Variants in POLR3B observed in about 807,000 individuals in gnomAD.
POLR3B encodes the protein DNA-directed RNA polymerase III subunit RPC2.
Under a neutral mutation model 147.4 loss-of-function variants are expected in POLR3B, and 96 were observed. The ratio of observed to expected loss-of-function variants is 0.65; its 90% CI spans 0.55 to 0.77. POLR3B has a LOEUF of 0.77. Among genes scored for constraint, POLR3B ranks in the 30% least tolerant of loss-of-function variants. The probability of loss-of-function intolerance (pLI) is 0.00; values close to 1 mark genes in which losing one functional copy is unlikely to be tolerated. For synonymous variants in POLR3B, 461 were observed against 485.9 expected, an observed-to-expected ratio of 0.95 and a Z score of 0.67; for missense variants, 1,036 against 1,413.5, an observed-to-expected ratio of 0.73 and a Z score of 4.28.
chr12:106,432,233 C>T (rs2037520264), intron 14 of POLR3B, 85 bp from the exon 15 acceptor site: 1 of 1,283,552 alleles, frequency 7.8e-7, no homozygotes, highest in South Asian at 1.2e-5. Flanking sequence ...TTGCTGCCAG[C>T]AAAGTAGTGA....
intron 1 of POLR3B, among the ~76,000 whole-genome samples, chr12:106,362,148 G>A (rs201974773): frequency 4.6e-5 from 7 of 152,122 alleles, no homozygotes; most frequent in East Asian, 1.9e-4. Flanking sequence ...TTGAATACTC[G>A]TTTTAAATAG....
chr12:106,467,692 C>T (rs1331903222), intron 23 of POLR3B, among the ~76,000 whole-genome samples: 3 of 152,194 alleles, frequency 2.0e-5, no homozygotes, highest in Non-Finnish European at 4.4e-5. Flanking sequence ...AAGGCCTTTT[C>T]TGCATCTATT....
chr12:106,475,768 A>G (rs370057015), intron 23 of POLR3B, among the ~76,000 whole-genome samples: 2 of 148,374 alleles, frequency 1.3e-5, no homozygotes, highest in South Asian at 2.2e-4. Context: ...GTCTCTGCAC[A>G]TGAGATGGGT....
chr12:106,459,154 G>T, intron 21 of POLR3B, 97 bp from the exon 22 acceptor site: 1 of 773,380 alleles, frequency 1.3e-6, no homozygotes, highest in South Asian at 1.4e-5. Context: ...CTCCTGAGTT[G>T]TTGGGACTGC....
intron 25 of POLR3B, among the ~76,000 whole-genome samples, chr12:106,499,922 C>T (rs939824974): frequency 2.0e-5 from 3 of 152,174 alleles, no homozygotes; most frequent in African/African-American, 7.2e-5. Context: ...CAAGCTTTTC[C>T]TTTGCCTCTC....
intron 18 of POLR3B, among the ~76,000 whole-genome samples, chr12:106,442,165 T>A (rs2137014441): frequency 6.6e-6 from 1 of 152,148 alleles, no homozygotes; most frequent in East Asian, 1.9e-4. Flanking sequence ...AGAATAATTT[T>A]TTTTTTTTGT....
chr12:106,365,412 G>T (rs2036521019), intron 2 of POLR3B, among the ~76,000 whole-genome samples: 1 of 152,158 alleles, frequency 6.6e-6, no homozygotes, highest in Non-Finnish European at 1.5e-5. Flanking sequence ...AAGAGACCAG[G>T]TCTTGCTACA....
At chr12:106,379,146 A>G (rs1208182587) in intron 8 of POLR3B, among the ~76,000 whole-genome samples, 1 of 152,252 alleles carries the variant, frequency 6.6e-6, no homozygotes, top group East Asian at 1.9e-4. Context: ...GTCCTCCAAG[A>G]TAAGTGGTAC....
chr12:106,396,743 A>G (rs2036984564), intron 10 of POLR3B, among the ~76,000 whole-genome samples: 1 of 152,136 alleles, frequency 6.6e-6, no homozygotes, highest in African/African-American at 2.4e-5. Flanking sequence ...TTCCAAGTTA[A>G]AGAATCAAAG....
chr12:106,392,779 A>G (rs1281606253), intron 9 of POLR3B, among the ~76,000 whole-genome samples: 1 of 152,202 alleles, frequency 6.6e-6, no homozygotes, highest in Non-Finnish European at 1.5e-5. Context: ...TAGAATATTT[A>G]AAAATTTTAG....
rs80100929 is a variant in POLR3B at position 106,372,648 on chromosome 12, A to G, written c.404+2965A>G. Reference sequence around the variant, plus strand: ...GAACTACCATGCGTGGCCAATATCCATAACTTTAAATGCGATGCTTTGACC... The same window carrying G: ...GAACTACCATGCGTGGCCAATATCCGTAACTTTAAATGCGATGCTTTGACC... On this transcript the variant is annotated intron_variant, in intron 6 of 27. Coordinates refer to ENST00000228347, the MANE Select transcript of POLR3B (RefSeq NM_018082.6). Among the ~76,000 whole-genome samples the G allele has an allele frequency of 6.8e-3, 1,042 of 152,184 alleles. 17 individuals are homozygous for G. Among genetic ancestry groups the G allele is most frequent in the African/African-American group, 0.024 (1,003 of 41,528 alleles).
Position 106,378,387 on chromosome 12 carries a change from A to G in POLR3B, c.614+3A>G. 1 of 1,573,508 alleles carries G rather than the reference A, an allele frequency of 6.4e-7. No individual in the cohort carries two copies. The highest frequency in any genetic ancestry group is 8.7e-7 in the Non-Finnish European group (1 of 1,142,878). Reference sequence around the variant, plus strand: ...GCTGTTGGAGCTTCAGTTACCAGGTATGGAAAGCAGAGATGGTGTCCTTAA... The same window carrying G: ...GCTGTTGGAGCTTCAGTTACCAGGTGTGGAAAGCAGAGATGGTGTCCTTAA... On this transcript the variant is annotated splice_donor_region_variant and intron_variant, in intron 8 of 27. Transcript: ENST00000228347.
At chr12:106,426,411 C>G (rs566260300) in intron 12 of POLR3B, among the ~76,000 whole-genome samples, 1 of 152,028 alleles carries the variant, frequency 6.6e-6, no homozygotes, top group East Asian at 1.9e-4. Context: ...CCACCAGACC[C>G]GGCTAATTTT....
intron 25 of POLR3B, among the ~76,000 whole-genome samples, chr12:106,497,606 T>G (rs1190614459): frequency 6.6e-6 from 1 of 152,198 alleles, no homozygotes; most frequent in Non-Finnish European, 1.5e-5. Context: ...GTGATGAGTA[T>G]CAGAATAATA....
intron 15 of POLR3B, among the ~76,000 whole-genome samples, chr12:106,433,251 T>C (rs1268949586): frequency 6.6e-6 from 1 of 152,238 alleles, no homozygotes; most frequent in African/African-American, 2.4e-5. Context: ...AGTGCCTCTT[T>C]GAATCCTCCC....
chr12:106,434,766 C>T (rs574391369), intron 16 of POLR3B, among the ~76,000 whole-genome samples: 64 of 152,268 alleles, frequency 4.2e-4, no homozygotes, highest in African/African-American at 1.2e-3. Context: ...AGAGTGACTG[C>T]ATGCTTTCTT....
rs1024571199 is a variant in POLR3B at position 106,433,939 on chromosome 12, A to G, written c.1781+67A>G. 95 of 1,328,508 alleles carry G rather than the reference A, an allele frequency of 7.2e-5. No homozygotes were observed. In the African/African-American group the frequency reaches 1.1e-3, roughly 16 times the overall value. The allele number at this position is 1,328,508 out of a possible 1,614,324, so 82.3% of individuals were successfully genotyped here. A position where few individuals can be genotyped will look rare whatever the true frequency, so the allele number is the denominator to read the frequency against. On this transcript the variant is annotated intron_variant, in intron 16 of 27. Coordinates refer to ENST00000228347, the MANE Select transcript of POLR3B (RefSeq NM_018082.6). ...TTATATTTGCTCTTGAAAGAAATAG[A>G]CTTGTTTTTATTTTTGAAACTGTTT...
At chr12:106,483,293 C>A (rs763534387) in intron 23 of POLR3B, among the ~76,000 whole-genome samples, 1 of 152,178 alleles carries the variant, frequency 6.6e-6, no homozygotes, top group African/African-American at 2.4e-5. Flanking sequence ...ACATGCCCAC[C>A]CACGTCCATC....
chr12:106,382,199 C>T (rs1222931356), intron 9 of POLR3B, among the ~76,000 whole-genome samples: 1 of 152,192 alleles, frequency 6.6e-6, no homozygotes, highest in Non-Finnish European at 1.5e-5. Flanking sequence ...CCCAGCCCCT[C>T]TTCAAGAGGG....
Sources: allele counts gnomAD v4.1 joint callset (sites outside exome capture counted in the v4.1 genomes callset), GRCh38; gene constraint gnomAD v4.1.1; transcripts MANE v1.5; gene names NCBI Gene and HGNC (gene_info 2026-07-23, HGNC 2026-07-21).